The following RASA3 variants were observed in gnomAD, a reference collection of about 807,000 sequenced individuals.
RASA3 encodes the protein RAS p21 protein activator 3.
A neutral mutation model predicts 110.0 loss-of-function variants in RASA3; 73 were observed. That is an observed-to-expected ratio of 0.66 (90% CI 0.55 to 0.81). RASA3 has a LOEUF of 0.81. RASA3 is among the 30% of genes least tolerant of loss of function. The pLI, the probability that RASA3 is intolerant of heterozygous loss-of-function variation, is 0.00. For synonymous variants in RASA3, 500 were observed against 451.4 expected (o/e 1.11, Z -1.37); for missense variants, 976 against 1,113.2 (o/e 0.88, Z 1.75).
In RASA3 at chr13:114,101,907, A is replaced by C. The variant is rs117902002; in HGVS notation, c.56-28070T>G. On this transcript the variant is annotated intron_variant, in intron 1 of 23. Transcript: ENST00000334062. ...CCTGGACCACGGCACAAGGAAATCA[A>C]CTCACCCTGGACCATGGCATAAAGA... Among the ~76,000 whole-genome samples, 1,374 of 152,186 alleles carry C rather than the reference A, an allele frequency of 9.0e-3. 7 individuals carry two copies. The highest frequency in any genetic ancestry group is 0.016 in the Non-Finnish European group (1,084 of 68,002).
intron 23 of RASA3, among the ~76,000 whole-genome samples, chr13:113,980,043 T>C (rs1463907253): frequency 3.5e-5 from 3 of 86,700 alleles, no homozygotes; most frequent in Non-Finnish European, 5.6e-5. Context: ...TGTGCACCTC[T>C]GTGTGCCTCC....
intron 1 of RASA3, among the ~76,000 whole-genome samples, chr13:114,081,028 C>CGTGT (rs2079779664): frequency 7.2e-6 from 1 of 139,704 alleles, no homozygotes. Context: ...GAGTGCCCCA[C>CGTGT]GGCAGAGGGC....
chr13:113,996,121 G>A (rs1196664613), intron 21 of RASA3, among the ~76,000 whole-genome samples: 1 of 149,840 alleles, frequency 6.7e-6, no homozygotes, highest in African/African-American at 2.5e-5. Context: ...ATGGGGGGCC[G>A]GGAAGACAAC....
intron 21 of RASA3, among the ~76,000 whole-genome samples, chr13:113,994,287 G>A (rs77196596): frequency 6.6e-6 from 1 of 152,182 alleles, no homozygotes; most frequent in East Asian, 1.9e-4. Flanking sequence ...TTGGTCATTT[G>A]TTTTATTAGG....
chr13:114,110,631 C>A (rs114481481), intron 1 of RASA3, among the ~76,000 whole-genome samples: 1 of 152,354 alleles, frequency 6.6e-6, no homozygotes, highest in African/African-American at 2.4e-5. Flanking sequence ...GTTTCCTCAT[C>A]AGCAACAAAC....
intron 1 of RASA3, among the ~76,000 whole-genome samples, chr13:114,103,450 C>T (rs375139666): frequency 5.5e-4 from 83 of 152,120 alleles, no homozygotes; most frequent in Middle Eastern, 3.4e-3. Flanking sequence ...GACGGGGGGA[C>T]GGGGGACACA....
Position 114,115,644 on chromosome 13 carries a change from C to G in RASA3, c.55+16791G>C, listed in dbSNP as rs2080266281. ...GTCGCCTGCCGATTTGGTGGCTCCT[C>G]TCATAACACACAGCCTCCTGTGTAT... is the stretch of plus-strand genomic sequence containing the variant. On this transcript the variant is annotated intron_variant, in intron 1 of 23. Coordinates refer to ENST00000334062, the MANE Select transcript of RASA3 (RefSeq NM_007368.4). The surrounding 1 kb of genome is among the most constrained non-coding windows in gnomAD (Gnocchi z 5.0). Among the ~76,000 whole-genome samples the G allele has an allele frequency of 1.3e-5, 2 of 152,184 alleles. No homozygotes were observed. The highest frequency in any genetic ancestry group is 4.8e-5 in the African/African-American group (2 of 41,440).
rs973905000 is a variant in RASA3, at chr13:114,011,119, G to C, written c.1590+52C>G. 2.7e-6 allele frequency: 4 copies of C among 1,473,096 alleles called. No individual in the cohort carries two copies. The African/African-American group carries it at 4.2e-5, about 15-fold the overall frequency. The allele number at this position is 1,473,096 out of a possible 1,614,324, so 91.3% of individuals were successfully genotyped here. On this transcript the variant is annotated intron_variant, in intron 16 of 23. Coordinates refer to ENST00000334062, the MANE Select transcript of RASA3 (RefSeq NM_007368.4). This position sits in a 1 kb window ranked among gnomAD's most constrained non-coding sequence, Gnocchi z 4.8. Reference sequence around the variant, plus strand: ...GTTTTTCACGTGTATTTTCTGAAGAGAGAAAAGAATCAGTTGTCCCTAAAA... The same window carrying C: ...GTTTTTCACGTGTATTTTCTGAAGACAGAAAAGAATCAGTTGTCCCTAAAA...
At position 114,096,778 on chromosome 13, in the gene RASA3, A is replaced by C. The variant is rs1594449230; in HGVS notation, c.56-22941T>G. Among the ~76,000 whole-genome samples the C allele has an allele frequency of 6.6e-6, 1 of 151,468 alleles. No individual in the cohort carries two copies. Among genetic ancestry groups the C allele is most frequent in the Non-Finnish European group, 1.5e-5 (1 of 67,860 alleles). ...CCAGCACCCACCGAATGAAGCACTG[A>C]CCCTTCAGCCAGGCTCTGGAGCCCC... is the stretch of plus-strand genomic sequence containing the variant. On this transcript the variant is annotated intron_variant, in intron 1 of 23. Transcript: ENST00000334062. The surrounding 1 kb of genome is among the most constrained non-coding windows in gnomAD (Gnocchi z 5.1).
At chr13:114,105,991 C>G (rs529891452) in intron 1 of RASA3, among the ~76,000 whole-genome samples, 1 of 152,212 alleles carries the variant, frequency 6.6e-6, no homozygotes, top group African/African-American at 2.4e-5. Flanking sequence ...CCCTAAAGAG[C>G]TGCCATTCCT....
At chr13:114,116,318 C>T (rs2080274150) in intron 1 of RASA3, among the ~76,000 whole-genome samples, 3 of 152,108 alleles carry the variant, frequency 2.0e-5, no homozygotes, top group Non-Finnish European at 2.9e-5. Flanking sequence ...ATAGAAATAC[C>T]GTCCTCACTA....
intron 4 of RASA3, among the ~76,000 whole-genome samples, chr13:114,035,472 T>A (rs1486836799): frequency 6.6e-6 from 1 of 152,366 alleles, no homozygotes; most frequent in Non-Finnish European, 1.5e-5. Flanking sequence ...CTCTGTACTC[T>A]GCTCAATTTC....
intron 15 of RASA3, among the ~76,000 whole-genome samples, chr13:114,012,669 CCACA>C (rs141522015): frequency 4.9e-5 from 6 of 122,492 alleles, no homozygotes; most frequent in South Asian, 4.9e-4. Flanking sequence ...TCCACACTCC[CCACA>C]CACTGTCCAC....
chr13:114,023,405 G>A (rs753644518), intron 8 of RASA3, among the ~76,000 whole-genome samples: 2 of 152,202 alleles, frequency 1.3e-5, no homozygotes, highest in African/African-American at 2.4e-5. Flanking sequence ...GGAGGGAGCC[G>A]TTTCCTTCCT....
chr13:114,083,637 C>T (rs1594439837), intron 1 of RASA3, among the ~76,000 whole-genome samples: 1 of 95,038 alleles, frequency 1.1e-5, no homozygotes, highest in African/African-American at 3.4e-5. Flanking sequence ...GGAGTATCGA[C>T]TCCCTTCCTC....
intron 1 of RASA3, among the ~76,000 whole-genome samples, chr13:114,100,587 G>C (rs977509385): frequency 1.3e-5 from 2 of 152,254 alleles, no homozygotes; most frequent in Admixed American, 1.3e-4. Context: ...AAGTGCAGCA[G>C]CCGGCCCTAG....
intron 1 of RASA3, among the ~76,000 whole-genome samples, chr13:114,079,637 C>T (rs989640438): frequency 6.6e-6 from 1 of 152,224 alleles, no homozygotes; most frequent in African/African-American, 2.4e-5. Context: ...GATCCTCACT[C>T]GAACAGGTCC....
chr13:114,112,206 G>A lies in RASA3; in HGVS notation c.55+20229C>T, dbSNP rs968688269. On this transcript the variant is annotated intron_variant, in intron 1 of 23. Coordinates refer to ENST00000334062, the MANE Select transcript of RASA3 (RefSeq NM_007368.4). The surrounding 1 kb of genome is among the most constrained non-coding windows in gnomAD (Gnocchi z 4.8). The stretch of plus-strand genomic sequence containing the variant: ...GAACAAAACCCTCAGCCAGGCTATT[G>A]TGAATGGGTGTTACCAAAAAATGGC... 3.9e-5 allele frequency among the ~76,000 whole-genome samples: 6 copies of A among 152,060 alleles called. No homozygotes were observed. Among genetic ancestry groups the A allele is most frequent in the Non-Finnish European group, 8.8e-5 (6 of 68,008 alleles).
At chr13:114,039,682 C>A (rs1375393008) in intron 4 of RASA3, among the ~76,000 whole-genome samples, 1 of 130,418 alleles carries the variant, frequency 7.7e-6, no homozygotes, top group Non-Finnish European at 1.5e-5. Flanking sequence ...GTGGACTGAC[C>A]CCCACTGCTC....
Sources: allele counts gnomAD v4.1 joint callset (sites outside exome capture counted in the v4.1 genomes callset), GRCh38; gene constraint gnomAD v4.1.1; non-coding constraint Gnocchi (gnomAD v3.1); transcripts MANE v1.5; gene names NCBI Gene and HGNC (gene_info 2026-07-23, HGNC 2026-07-21).